Variants in ARVCF observed in about 807,000 individuals in gnomAD.
The protein encoded by ARVCF is splicing regulator ARVCF.
In ARVCF, 66 loss-of-function variants were observed where a neutral mutation model predicts 90.9. The ratio of observed to expected loss-of-function variants is 0.73; its 90% CI spans 0.60 to 0.89. ARVCF has a LOEUF of 0.89. ARVCF is among the 40% of genes least tolerant of loss of function. The pLI, the probability that ARVCF is intolerant of heterozygous loss-of-function variation, is 0.00. For synonymous variants in ARVCF, 653 were observed against 603.4 expected, an observed-to-expected ratio of 1.08 and a Z score of -1.21; for missense variants, 1,469 against 1,382.3, an observed-to-expected ratio of 1.06 and a Z score of -1.00.
chr22:19,981,707 G>T lies in ARVCF; in HGVS notation c.400C>A (p.Arg134=). ...VTKTVKTVTT[R]TVRQVPVGPD... ...CCCACGGGCACCTGGCGTACTGTCC[G>T]AGTGGTCACCGTCTTGACAGTCTTG... The change falls in exon 5 of 20, where the codon CGG becomes AGG. Residue 134 remains arginine (R), a synonymous_variant. Transcript: ENST00000263207. 6.3e-7 allele frequency: 1 copy of T among 1,584,614 alleles called. No homozygotes were observed.
At chr22:19,994,933 T>C (rs1254610381) in intron 2 of ARVCF, among the ~76,000 whole-genome samples, 2 of 150,666 alleles carry the variant, frequency 1.3e-5, no homozygotes. Flanking sequence ...TGGTGGAGGA[T>C]GGACAGACGG....
chr22:19,994,843 C>T (rs1015025251), intron 2 of ARVCF, among the ~76,000 whole-genome samples: 3 of 133,966 alleles, frequency 2.2e-5, no homozygotes, highest in Admixed American at 8.9e-5. Flanking sequence ...GGATGGTAGG[C>T]GATGGACAGA....
chr22:20,007,811 G>A (rs1944686427), intron 2 of ARVCF, among the ~76,000 whole-genome samples: 1 of 152,210 alleles, frequency 6.6e-6, no homozygotes, highest in Non-Finnish European at 1.5e-5. Context: ...CTCCAAAATT[G>A]TTAGAAATAA....
chr22:19,993,197 G>A (rs1429265115), intron 2 of ARVCF, among the ~76,000 whole-genome samples: 1 of 152,014 alleles, frequency 6.6e-6, no homozygotes, highest in Non-Finnish European at 1.5e-5. Flanking sequence ...CATCTCAGGT[G>A]TCTCAAGAGC....
chr22:19,977,486 AG>A lies in ARVCF; in HGVS notation c.1798del (p.Leu600TrpfsTer5), dbSNP rs1377720110. 2 of 1,597,802 alleles carry A rather than the reference AG, an allele frequency of 1.3e-6. No individual in the cohort carries two copies. The highest frequency in any genetic ancestry group is 2.3e-5 in the East Asian group (1 of 44,268). On this transcript the variant is annotated frameshift_variant, in exon 9 of 20. Transcript: ENST00000263207. LOFTEE classifies it high-confidence loss of function. ...GCGCTGGGAGCCTACAGCACTGCCC[AG>A]GGGCCCGGGCTCGGCCTCCTGGTAC... ...DRYQEAEPGPLGSAVGSQRRR... is the reference protein window; with the variant it reads ...DRYQEAEPGPXGSAVGSQRRR...
intron 13 of ARVCF, 92 bp downstream of exon 13, chr22:19,973,551 C>CTT: frequency 2.0e-6 from 3 of 1,520,454 alleles, no homozygotes; most frequent in Non-Finnish European, 2.6e-6. Context: ...GCCTGGACTC[C>CTT]CAAACCACTC....
chr22:19,979,831 CTTG>C lies in ARVCF; in HGVS notation c.1305_1307del (p.Asn435del). On this transcript the variant is annotated inframe_deletion, in exon 6 of 20. Coordinates refer to ENST00000263207, the MANE Select transcript of ARVCF (RefSeq NM_001670.3). ...CACCACCGCAGTCCCGGATGGCGGC[CTTG>C]TTGTCAGTGTCGCGGCCATAGGAGA... 1 of 1,609,792 alleles carries C rather than the reference CTTG, an allele frequency of 6.2e-7. No individual in the cohort carries two copies.
chr22:19,972,217 G>T, intron 17 of ARVCF, 141 bp downstream of exon 17: 1 of 1,172,076 alleles, frequency 8.5e-7, no homozygotes, highest in Non-Finnish European at 1.2e-6. Context: ...TAGCTGCCCT[G>T]TACCTCACCC....
chr22:19,968,824 G>A (rs560296967), downstream of ARVCF: 36 of 1,312,512 alleles, frequency 2.7e-5, no homozygotes, highest in Non-Finnish European at 3.4e-5. Flanking sequence ...CTGCGGCTCC[G>A]GGCTGTGTCC....
At chr22:19,983,289 G>A (rs1234694910) in intron 3 of ARVCF, among the ~76,000 whole-genome samples, 1 of 152,212 alleles carries the variant, frequency 6.6e-6, no homozygotes, top group South Asian at 2.1e-4. Flanking sequence ...TGGGTCCCTT[G>A]CCTGGGCCCC....
At chr22:19,987,571 G>A (rs1251380270) in intron 3 of ARVCF, among the ~76,000 whole-genome samples, 1 of 152,058 alleles carries the variant, frequency 6.6e-6, no homozygotes, top group East Asian at 1.9e-4. Context: ...GCAGGTGCCC[G>A]TGCTGCGATG....
intron 1 of ARVCF, among the ~76,000 whole-genome samples, chr22:20,015,788 A>T (rs1346833315): frequency 1.3e-5 from 2 of 152,240 alleles, no homozygotes; most frequent in Non-Finnish European, 2.9e-5. Flanking sequence ...TTATTTCTAA[A>T]TATGCCTGGA....
chr22:19,973,108 C>T lies in ARVCF; in HGVS notation c.2438+11G>A, dbSNP rs780080995. 1 of 1,601,882 alleles carries T rather than the reference C, an allele frequency of 6.2e-7. No individual in the cohort carries two copies. Among genetic ancestry groups the T allele is most frequent in the Non-Finnish European group, 8.5e-7 (1 of 1,175,602 alleles). ...GCGGCTCCCCAAGCCACCGACCCCG[C>T]CCCTCCACACCTGGAGGCCACGAGA... is the stretch of plus-strand genomic sequence containing the variant. On this transcript the variant is annotated intron_variant, in intron 14 of 19. Coordinates refer to ENST00000263207, the MANE Select transcript of ARVCF (RefSeq NM_001670.3).
intron 3 of ARVCF, among the ~76,000 whole-genome samples, chr22:19,982,749 C>T (rs1943574669): frequency 6.6e-6 from 1 of 152,224 alleles, no homozygotes; most frequent in Admixed American, 6.5e-5. Flanking sequence ...CCAGCCCAGA[C>T]ATTCTTGAGT....
At chr22:19,972,313 T>C (rs1569145288) in intron 17 of ARVCF, 45 bp downstream of exon 17, 2 of 1,612,952 alleles carry the variant, frequency 1.2e-6, no homozygotes, top group Non-Finnish European at 1.7e-6. Context: ...CAGGCCTTGG[T>C]CCCCTCCCGG....
downstream of ARVCF, chr22:19,967,392 C>A (rs949430761): frequency 1.3e-5 from 6 of 458,658 alleles, no homozygotes; most frequent in African/African-American, 1.2e-4. Context: ...ATTGCTAGGA[C>A]ATTTTTTTTT....
chr22:19,988,701 G>A (rs952861034), intron 3 of ARVCF, among the ~76,000 whole-genome samples: 3 of 152,238 alleles, frequency 2.0e-5, no homozygotes, highest in African/African-American at 7.2e-5. Context: ...TCAGCAGGTA[G>A]ATCGCTAGGC....
chr22:20,011,059 C>A (rs1025500779), intron 1 of ARVCF, among the ~76,000 whole-genome samples: 2 of 152,240 alleles, frequency 1.3e-5, no homozygotes, highest in African/African-American at 4.8e-5. Flanking sequence ...AGGTTCCTGG[C>A]CCTGGAGCTG....
chr22:19,998,411 G>T (rs753164881), intron 2 of ARVCF, among the ~76,000 whole-genome samples: 1 of 152,190 alleles, frequency 6.6e-6, no homozygotes, highest in Non-Finnish European at 1.5e-5. Flanking sequence ...CCCCTGGGGG[G>T]TAAAGCAGGG....
Sources: allele counts gnomAD v4.1 joint callset (sites outside exome capture counted in the v4.1 genomes callset), GRCh38; gene constraint gnomAD v4.1.1; transcripts MANE v1.5; gene names NCBI Gene and HGNC (gene_info 2026-07-23, HGNC 2026-07-21).